The following MCPH1 variants were observed in gnomAD, a reference collection of about 807,000 sequenced individuals.
MCPH1 encodes microcephalin 1.
In MCPH1, 104 loss-of-function variants were observed where a neutral mutation model predicts 84.5. The ratio of observed to expected loss-of-function variants is 1.23; its 90% CI spans 1.05 to 1.45. MCPH1 has a LOEUF of 1.45. Among genes scored for constraint, MCPH1 ranks in the 40% most tolerant of loss-of-function variants. MCPH1 has a pLI of 0.00. For missense variants in MCPH1, 1,498 were observed against 1,005.7 expected (o/e 1.49, Z -6.62); for synonymous variants, 514 against 366.8 (o/e 1.40, Z -4.58).
At chr8:6,545,036 A>G (rs1176895837) in intron 12 of MCPH1, among the ~76,000 whole-genome samples, 1 of 152,182 alleles carries the variant, frequency 6.6e-6, no homozygotes, top group African/African-American at 2.4e-5. Context: ...ATCGCTGTCA[A>G]ATGAATGCCA....
At chr8:6,546,040 C>G (rs752097299) in intron 12 of MCPH1, among the ~76,000 whole-genome samples, 1 of 152,340 alleles carries the variant, frequency 6.6e-6, no homozygotes, top group Non-Finnish European at 1.5e-5. Context: ...ATCAAACACA[C>G]CCGGTGTGAG....
intron 13 of MCPH1, among the ~76,000 whole-genome samples, chr8:6,624,406 C>G (rs1203051517): frequency 1.3e-5 from 2 of 150,844 alleles, no homozygotes; most frequent in Non-Finnish European, 3.0e-5. Context: ...GTGTAGTGGG[C>G]GTCTCCAGCG....
At chr8:6,491,379 T>TC (rs1022081983) in intron 11 of MCPH1, among the ~76,000 whole-genome samples, 25 of 149,188 alleles carry the variant, frequency 1.7e-4, no homozygotes, top group African/African-American at 2.9e-4. Context: ...TTTCTTTCTT[T>TC]TTTTTTTTTT....
chr8:6,562,572 G>GTTTTTTTT (rs1491167455), intron 12 of MCPH1: 1 of 41,652 alleles, frequency 2.4e-5, no homozygotes, highest in African/African-American at 1.8e-4. Flanking sequence ...TTTTTTTTTT[G>GTTTTTTTT]GTTGTTAAAA....
At chr8:6,416,457 C>G (rs926853816) in intron 3 of MCPH1, among the ~76,000 whole-genome samples, 1 of 152,106 alleles carries the variant, frequency 6.6e-6, no homozygotes, top group African/African-American at 2.4e-5. Context: ...GTGTAAATGT[C>G]CTTTTTTAGG....
chr8:6,410,507 A>T (rs546773373), intron 2 of MCPH1, among the ~76,000 whole-genome samples: 1 of 152,320 alleles, frequency 6.6e-6, no homozygotes, highest in South Asian at 2.1e-4. Flanking sequence ...TTCTTAGTAT[A>T]GCCATCTCTG....
rs113555248 is a variant in MCPH1 at position 6,630,942 on chromosome 8, G to A, written c.2452+9251G>A. ...TGGGAATGGTAGCAAAATGACAGAA[G>A]AGGAAACTCTAACCTCTCATCCAAC... is the stretch of plus-strand genomic sequence containing the variant. On this transcript the variant is annotated intron_variant, in intron 13 of 13. Transcript: ENST00000344683. Among the ~76,000 whole-genome samples, 64 of 152,256 alleles carry A rather than the reference G, an allele frequency of 4.2e-4. 1 individual carries two copies. The highest frequency in any genetic ancestry group is 6.5e-4 in the Admixed American group (10 of 15,294).
intron 9 of MCPH1, chr8:6,474,312 CT>C: frequency 2.0e-6 from 1 of 505,114 alleles, no homozygotes; most frequent in Admixed American, 3.1e-5. Context: ...TTTTTCCAAC[CT>C]CTGGTGTACC....
At chr8:6,574,381 A>T (rs1328902296) in intron 12 of MCPH1, among the ~76,000 whole-genome samples, 3 of 151,884 alleles carry the variant, frequency 2.0e-5, no homozygotes, top group African/African-American at 7.3e-5. Context: ...AGATGCAGTC[A>T]CATTGGATTA....
At chr8:6,623,080 G>C (rs941670680) in intron 13 of MCPH1, among the ~76,000 whole-genome samples, 1 of 137,652 alleles carries the variant, frequency 7.3e-6, no homozygotes, top group Admixed American at 8.4e-5. Flanking sequence ...CTCAAACTCC[G>C]GGGCTCAAGC....
chr8:6,441,205 G>C (rs1426473805), intron 6 of MCPH1, among the ~76,000 whole-genome samples: 1 of 152,214 alleles, frequency 6.6e-6, no homozygotes, highest in Non-Finnish European at 1.5e-5. Flanking sequence ...CATTGAGGTA[G>C]ATAACTAGCT....
rs989706853 is a variant in MCPH1 at position 6,645,096 on chromosome 8, G to A, written c.*2047G>A. ...AGCACCAAAAATCCCTGAGGAGGCT[G>A]ACAAACATTGTGCTGACTCATGCTG... is the stretch of plus-strand genomic sequence containing the variant. On this transcript the variant is annotated 3_prime_UTR_variant, in exon 14 of 14. Transcript: ENST00000344683. 8 of 152,224 alleles carry A rather than the reference G, an allele frequency of 5.3e-5. No individual in the cohort carries two copies. The highest frequency in any genetic ancestry group is 1.9e-4 in the African/African-American group (8 of 41,424). 9.4% of individuals were successfully genotyped at this position (152,224 alleles called of 1,614,324 possible).
At chr8:6,447,400 C>A in intron 8 of MCPH1, 16 of 985,300 alleles carry the variant, frequency 1.6e-5, no homozygotes, top group Non-Finnish European at 1.9e-5. Flanking sequence ...GGGCTTTTTG[C>A]CATTTCTGTT....
intron 4 of MCPH1, among the ~76,000 whole-genome samples, chr8:6,434,526 C>A (rs557138999): frequency 2.0e-5 from 3 of 152,204 alleles, no homozygotes; most frequent in East Asian, 1.9e-4. Context: ...AAGACACATA[C>A]AATTTACTTA....
rs889934429 is a variant in MCPH1, at chr8:6,446,721, C to T, written c.1825+1174C>T. On this transcript the variant is annotated intron_variant, in intron 8 of 13. Coordinates refer to ENST00000344683, the MANE Select transcript of MCPH1 (RefSeq NM_024596.5). ...ACATTCTCCATCTTTCCAGTTTTCA[C>T]CTTGTGTATTTTTTAAGCTTTTGAA... The T allele has an allele frequency of 5.1e-6, 5 of 985,048 alleles. No homozygotes were observed. The African/African-American group carries it at 8.7e-5, about 17-fold the overall frequency. The allele number at this position is 985,048 out of a possible 1,614,324, so 61.0% of individuals were successfully genotyped here. A position where few individuals can be genotyped will look rare whatever the true frequency, so the allele number is the denominator to read the frequency against.
chr8:6,644,598 G>A lies in MCPH1; in HGVS notation c.*1549G>A, dbSNP rs990271734. The A allele has an allele frequency of 4.6e-5, 7 of 152,140 alleles. No individual in the cohort carries two copies. Among genetic ancestry groups the A allele is most frequent in the East Asian group, 1.9e-4 (1 of 5,190 alleles). The allele number at this position is 152,140 out of a possible 1,614,324, so 9.4% of individuals were successfully genotyped here. A position where few individuals can be genotyped will look rare whatever the true frequency, so the allele number is the denominator to read the frequency against. On this transcript the variant is annotated 3_prime_UTR_variant, in exon 14 of 14. Coordinates refer to ENST00000344683, the MANE Select transcript of MCPH1 (RefSeq NM_024596.5). Reference sequence around the variant, plus strand: ...ACGCAATCCCATTTCCAATAGCCACGGAATGAAATACCTAGGAACACGTAT... The same window carrying A: ...ACGCAATCCCATTTCCAATAGCCACAGAATGAAATACCTAGGAACACGTAT...
chr8:6,497,854 A>T (rs1451212161), intron 11 of MCPH1, among the ~76,000 whole-genome samples: 2 of 152,218 alleles, frequency 1.3e-5, no homozygotes, highest in East Asian at 3.8e-4. Flanking sequence ...AGATACATTG[A>T]TTTGAACATA....
At chr8:6,555,478 T>G (rs1459927305) in intron 12 of MCPH1, among the ~76,000 whole-genome samples, 3 of 151,768 alleles carry the variant, frequency 2.0e-5, no homozygotes, top group Non-Finnish European at 4.4e-5. Flanking sequence ...TTTTTTTTTT[T>G]GGAGACAGGA....
chr8:6,640,650 G>T (rs1025379097), intron 13 of MCPH1, among the ~76,000 whole-genome samples: 1 of 152,118 alleles, frequency 6.6e-6, no homozygotes, highest in Non-Finnish European at 1.5e-5. Flanking sequence ...GGTGTCTTAA[G>T]TATTACCAAG....
Sources: gnomAD v4.1 joint callset for allele counts (sites outside exome capture counted in the v4.1 genomes callset) on GRCh38, gnomAD v4.1.1 for gene constraint, MANE v1.5 for transcripts, NCBI Gene and HGNC (gene_info 2026-07-23, HGNC 2026-07-21) for gene names.